The following GRM7 variants were observed in gnomAD, a reference collection of about 807,000 sequenced individuals.
The protein encoded by GRM7 is metabotropic glutamate receptor 7.
A neutral mutation model predicts 84.5 loss-of-function variants in GRM7; 35 were observed. That is an observed-to-expected ratio of 0.41 (90% CI 0.32 to 0.55). The LOEUF (loss-of-function observed/expected upper bound fraction) is 0.55. GRM7 is among the 20% of genes least tolerant of loss of function. The pLI is 0.19. For missense variants in GRM7, 1,003 were observed against 1,194.6 expected (o/e 0.84, Z 2.36); for synonymous variants, 487 against 455.1 (o/e 1.07, Z -0.89).
intron 8 of GRM7, among the ~76,000 whole-genome samples, chr3:7,661,872 T>C (rs1474073283): frequency 6.7e-6 from 1 of 148,596 alleles, no homozygotes; most frequent in Non-Finnish European, 1.5e-5. Flanking sequence ...TTTTAACAAG[T>C]TCAGCATATA....
At chr3:7,404,777 C>G (rs1695602418) in intron 4 of GRM7, among the ~76,000 whole-genome samples, 2 of 151,496 alleles carry the variant, frequency 1.3e-5, no homozygotes, top group African/African-American at 2.4e-5. Context: ...GTTCTGAACT[C>G]TTTTGAGTCC....
intron 1 of GRM7, among the ~76,000 whole-genome samples, chr3:7,036,799 CTTG>C (rs368824645): frequency 0.99 from 151,243 of 152,258 alleles, 75,123 homozygotes; most frequent in African/African-American, 1. Context: ...CTTTATATAA[CTTG>C]CTATATATAA....
intron 2 of GRM7, among the ~76,000 whole-genome samples, chr3:7,193,636 C>T (rs1446922202): frequency 6.6e-6 from 1 of 151,810 alleles, no homozygotes; most frequent in Non-Finnish European, 1.5e-5. Context: ...ATGATATACT[C>T]ATTCATGGTC....
rs1315298355 is a variant in GRM7, at chr3:7,649,304, C to T, written c.2452-30745C>T. Reference sequence around the variant, plus strand: ...CAGGATAGTCCCGATCTCCTGACCTCGTGATCCTCCTGCCTCGGCCTCCCA... The same window carrying T: ...CAGGATAGTCCCGATCTCCTGACCTTGTGATCCTCCTGCCTCGGCCTCCCA... On this transcript the variant is annotated intron_variant, in intron 8 of 9. Coordinates refer to ENST00000357716, the MANE Select transcript of GRM7 (RefSeq NM_000844.4). Among the ~76,000 whole-genome samples the T allele has an allele frequency of 2.6e-5, 4 of 152,142 alleles. No homozygotes were observed. The South Asian group carries it at 6.2e-4, about 24-fold the overall frequency.
At chr3:7,039,601 A>G (rs928261885) in intron 1 of GRM7, among the ~76,000 whole-genome samples, 9 of 152,190 alleles carry the variant, frequency 5.9e-5, no homozygotes, top group African/African-American at 2.2e-4. Flanking sequence ...ATATGCCGTG[A>G]TAAGAAAAAT....
chr3:7,318,276 C>A (rs1332835072), intron 4 of GRM7, among the ~76,000 whole-genome samples: 1 of 151,960 alleles, frequency 6.6e-6, no homozygotes, highest in Non-Finnish European at 1.5e-5. Flanking sequence ...CTTGGTGCAT[C>A]ACTGGGGAGA....
intron 2 of GRM7, among the ~76,000 whole-genome samples, chr3:7,165,314 G>A (rs1574980087): frequency 6.6e-6 from 1 of 152,144 alleles, no homozygotes; most frequent in African/African-American, 2.4e-5. Context: ...CTCATACAAG[G>A]CCAGCCTCTG....
intron 7 of GRM7, among the ~76,000 whole-genome samples, chr3:7,538,052 G>A (rs1231779091): frequency 6.6e-6 from 1 of 152,132 alleles, no homozygotes; most frequent in East Asian, 1.9e-4. Flanking sequence ...ACTTGTTTAT[G>A]CTGATTCCAT....
chr3:7,411,912 A>G (rs938911256), intron 4 of GRM7, among the ~76,000 whole-genome samples: 4 of 152,022 alleles, frequency 2.6e-5, no homozygotes, highest in Admixed American at 2.6e-4. Context: ...TTGCACTCTC[A>G]GCAACAGGGA....
At chr3:7,562,158 G>C (rs1000978698) in intron 7 of GRM7, among the ~76,000 whole-genome samples, 1 of 152,046 alleles carries the variant, frequency 6.6e-6, no homozygotes, top group African/African-American at 2.4e-5. Context: ...TGCCCTGTAA[G>C]ACAGAGGTTG....
At chr3:7,575,821 C>A (rs368022025) in intron 7 of GRM7, among the ~76,000 whole-genome samples, 1 of 152,014 alleles carries the variant, frequency 6.6e-6, no homozygotes, top group Non-Finnish European at 1.5e-5. Context: ...ATGTGATGTT[C>A]GTGGTTACAG....
chr3:7,624,060 A>C (rs1288602588), intron 8 of GRM7, among the ~76,000 whole-genome samples: 2 of 152,186 alleles, frequency 1.3e-5, no homozygotes, highest in Non-Finnish European at 2.9e-5. Context: ...ACAAGTCACT[A>C]AAACGCATTG....
intron 8 of GRM7, among the ~76,000 whole-genome samples, chr3:7,592,064 C>A (rs1259749670): frequency 6.6e-6 from 1 of 152,070 alleles, no homozygotes; most frequent in East Asian, 1.9e-4. Flanking sequence ...TGAGTTAATT[C>A]ATTCTGTATG....
intron 9 of GRM7, chr3:7,686,229 C>CA: frequency 1.9e-6 from 1 of 535,050 alleles, no homozygotes; most frequent in East Asian, 3.0e-5. Flanking sequence ...TTGAACCCAC[C>CA]AAAAGAGTGG....
intron 2 of GRM7, among the ~76,000 whole-genome samples, chr3:7,227,950 T>C (rs949159165): frequency 9.9e-5 from 15 of 152,208 alleles, no homozygotes; most frequent in Non-Finnish European, 2.1e-4. Flanking sequence ...TCTCTTCCAT[T>C]GTCATATGTC....
intron 1 of GRM7, among the ~76,000 whole-genome samples, chr3:7,118,167 C>T (rs960323028): frequency 1.3e-5 from 2 of 152,110 alleles, no homozygotes; most frequent in Non-Finnish European, 2.9e-5. Context: ...GGGAGGATCA[C>T]TTGAGCCCAG....
intron 2 of GRM7, among the ~76,000 whole-genome samples, chr3:7,199,850 T>C (rs1696005161): frequency 6.6e-6 from 1 of 152,210 alleles, no homozygotes; most frequent in Admixed American, 6.5e-5. Context: ...ATTCATGTCA[T>C]ATATATGGAA....
At chr3:7,490,430 A>G (rs1020224647) in intron 7 of GRM7, among the ~76,000 whole-genome samples, 5 of 152,302 alleles carry the variant, frequency 3.3e-5, no homozygotes, top group Admixed American at 2.6e-4. Flanking sequence ...TTTCAGATTC[A>G]TCCAGAATGG....
chr3:7,350,736 T>A (rs1693104245), intron 4 of GRM7, among the ~76,000 whole-genome samples: 2 of 152,130 alleles, frequency 1.3e-5, no homozygotes, highest in Admixed American at 1.3e-4. Context: ...TGAAACTTGG[T>A]AATACTGCAA....
Sources: gnomAD v4.1 joint callset for allele counts (sites outside exome capture counted in the v4.1 genomes callset) on GRCh38, gnomAD v4.1.1 for gene constraint, MANE v1.5 for transcripts, NCBI Gene and HGNC (gene_info 2026-07-23, HGNC 2026-07-21) for gene names.